Variants in ARHGAP12 observed in about 807,000 individuals in gnomAD.
The protein encoded by ARHGAP12 is rho GTPase-activating protein 12.
A neutral mutation model predicts 108.6 loss-of-function variants in ARHGAP12; 64 were observed. The ratio of observed to expected loss-of-function variants is 0.59; its 90% CI spans 0.48 to 0.73. ARHGAP12 has a LOEUF of 0.73. Among genes scored for constraint, ARHGAP12 ranks in the 30% least tolerant of loss-of-function variants. The pLI is 0.00. For missense variants in ARHGAP12, 940 were observed against 1,005.9 expected (o/e 0.93, Z 0.89); for synonymous variants, 312 against 337.2 (o/e 0.93, Z 0.82).
intron 3 of ARHGAP12, among the ~76,000 whole-genome samples, chr10:31,877,214 C>T (rs1192910496): frequency 2.0e-5 from 3 of 152,186 alleles, no homozygotes; most frequent in African/African-American, 7.2e-5. Context: ...CATAAAGACG[C>T]CTGGTTCCTT....
intron 3 of ARHGAP12, among the ~76,000 whole-genome samples, chr10:31,901,652 T>G (rs1838933618): frequency 6.6e-6 from 1 of 151,786 alleles, no homozygotes; most frequent in Non-Finnish European, 1.5e-5. Flanking sequence ...AAAGTTACTA[T>G]ATTCCAGTAC....
At chr10:31,923,365 G>C (rs972286513) in intron 1 of ARHGAP12, among the ~76,000 whole-genome samples, 3 of 152,164 alleles carry the variant, frequency 2.0e-5, no homozygotes, top group African/African-American at 7.2e-5. Context: ...AGCTGGTGAG[G>C]ATGTAAAACT....
chr10:31,902,304 A>G (rs1838959671), intron 3 of ARHGAP12, among the ~76,000 whole-genome samples: 1 of 151,780 alleles, frequency 6.6e-6, no homozygotes, highest in Admixed American at 6.6e-5. Context: ...AACAAATGGT[A>G]CTATAACAAT....
chr10:31,855,604 T>G (rs955826238), intron 4 of ARHGAP12, among the ~76,000 whole-genome samples: 2 of 152,212 alleles, frequency 1.3e-5, no homozygotes, highest in Non-Finnish European at 2.9e-5. Flanking sequence ...AAAGCCTAAT[T>G]CAAAAATCAG....
chr10:31,835,570 A>G (rs951822991), intron 9 of ARHGAP12, among the ~76,000 whole-genome samples: 3 of 152,234 alleles, frequency 2.0e-5, no homozygotes, highest in Admixed American at 6.5e-5. Context: ...ATTACTTTGC[A>G]GGCTCCACAA....
intron 3 of ARHGAP12, among the ~76,000 whole-genome samples, chr10:31,907,305 T>C (rs1177701818): frequency 6.6e-6 from 1 of 151,520 alleles, no homozygotes; most frequent in African/African-American, 2.4e-5. Context: ...TAAAATGGCA[T>C]AGATCTAATC....
chr10:31,833,876 T>C (rs945864589), intron 9 of ARHGAP12, among the ~76,000 whole-genome samples: 1 of 152,082 alleles, frequency 6.6e-6, no homozygotes, highest in Non-Finnish European at 1.5e-5. Context: ...CCCCAAGTAT[T>C]GGGTGAGGTG....
At chr10:31,847,205 T>C (rs1014814837) in intron 6 of ARHGAP12, among the ~76,000 whole-genome samples, 9 of 152,208 alleles carry the variant, frequency 5.9e-5, no homozygotes, top group African/African-American at 2.2e-4. Context: ...CCCTGTCATC[T>C]TGGTGTGTCA....
At chr10:31,841,952 G>T (rs1836285173) in intron 7 of ARHGAP12, among the ~76,000 whole-genome samples, 1 of 151,948 alleles carries the variant, frequency 6.6e-6, no homozygotes, top group Admixed American at 6.6e-5. Flanking sequence ...GGGTAAAAAA[G>T]ACATTTCTAC....
At chr10:31,850,762 T>C (rs1385921963) in intron 6 of ARHGAP12, among the ~76,000 whole-genome samples, 4 of 152,170 alleles carry the variant, frequency 2.6e-5, no homozygotes, top group Non-Finnish European at 4.4e-5. Flanking sequence ...AAAAACTTGC[T>C]AGAGTATCAC....
At chr10:31,812,932 G>C in intron 14 of ARHGAP12, 109 bp from the exon 15 acceptor site, 1 of 544,752 alleles carries the variant, frequency 1.8e-6, no homozygotes, top group South Asian at 3.0e-5. Context: ...CAAGATCATA[G>C]TACAATTCAG....
intron 3 of ARHGAP12, 22 bp downstream of exon 3, chr10:31,908,150 C>T (rs773614213): frequency 4.9e-5 from 75 of 1,536,504 alleles, no homozygotes; most frequent in Middle Eastern, 1.8e-4. Flanking sequence ...ACAGTGTTTC[C>T]TCATTCTATT....
chr10:31,893,086 G>A (rs1838523319), intron 3 of ARHGAP12, among the ~76,000 whole-genome samples: 1 of 152,166 alleles, frequency 6.6e-6, no homozygotes. Flanking sequence ...GAATCTCTGG[G>A]ACACATTTAA....
chr10:31,888,257 A>C (rs543710091), intron 3 of ARHGAP12, among the ~76,000 whole-genome samples: 1 of 151,974 alleles, frequency 6.6e-6, no homozygotes, highest in Non-Finnish European at 1.5e-5. Flanking sequence ...ACAAACTACT[A>C]CTTCTCTGGG....
At chr10:31,839,054 T>C (rs1836147835) in intron 9 of ARHGAP12, among the ~76,000 whole-genome samples, 2 of 151,796 alleles carry the variant, frequency 1.3e-5, no homozygotes, top group South Asian at 2.1e-4. Context: ...CCAGAAGCCA[T>C]TGAAGGGGAA....
chr10:31,831,086 A>C (rs1229163479), intron 10 of ARHGAP12, among the ~76,000 whole-genome samples: 1 of 152,240 alleles, frequency 6.6e-6, no homozygotes, highest in African/African-American at 2.4e-5. Context: ...GCTAAATGTA[A>C]TATTACATGT....
chr10:31,818,517 T>TA (rs1438694251), intron 12 of ARHGAP12, among the ~76,000 whole-genome samples: 8 of 152,188 alleles, frequency 5.3e-5, no homozygotes, highest in African/African-American at 1.9e-4. Context: ...TTTTGCAGTT[T>TA]CTTAAACTTA....
intron 6 of ARHGAP12, 98 bp from the exon 7 acceptor site, chr10:31,843,684 T>C: frequency 3.7e-6 from 5 of 1,354,062 alleles, no homozygotes; most frequent in Non-Finnish European, 4.9e-6. Flanking sequence ...CAAAGACTGT[T>C]AGGCGAAGTT....
At chr10:31,924,661 T>C (rs1171063844) in intron 1 of ARHGAP12, among the ~76,000 whole-genome samples, 2 of 152,054 alleles carry the variant, frequency 1.3e-5, no homozygotes, top group South Asian at 2.1e-4. Flanking sequence ...TAGCAAAATA[T>C]AGGAAATTTT....
Sources: allele counts gnomAD v4.1 joint callset (sites outside exome capture counted in the v4.1 genomes callset), GRCh38; gene constraint gnomAD v4.1.1; transcripts MANE v1.5; gene names NCBI Gene and HGNC (gene_info 2026-07-23, HGNC 2026-07-21).